Variants in MARF1 observed in about 807,000 individuals in gnomAD.
MARF1 encodes the protein limkain-b1.
MARF1 carries 24 observed loss-of-function variants against 168.2 expected under a neutral mutation model. The ratio of observed to expected loss-of-function variants is 0.14; its 90% CI spans 0.10 to 0.20. The LOEUF (loss-of-function observed/expected upper bound fraction) is 0.20, where lower values mean the gene tolerates loss of function less well. MARF1 is among the 10% of genes least tolerant of loss of function. MARF1 has a pLI of 1.00. For missense variants in MARF1, 1,744 were observed against 2,143.6 expected, an observed-to-expected ratio of 0.81 and a Z score of 3.68; for synonymous variants, 868 against 822.4, an observed-to-expected ratio of 1.06 and a Z score of -0.95.
chr16:15,596,873 C>A lies in MARF1; in HGVS notation c.5049G>T (p.Leu1683=). 6.2e-7 allele frequency: 1 copy of A among 1,613,812 alleles called. No individual in the cohort carries two copies. Among genetic ancestry groups the A allele is most frequent in the Non-Finnish European group, 8.5e-7 (1 of 1,179,802 alleles). ...TGCAGGACGAGCTGGAGTCAGAGGT[C>A]AGAGTTTTGCTCTTTCCTGGTATTG... is the stretch of plus-strand genomic sequence containing the variant. ...EIPIPGKSKT[L]TSDSSSSCIS... The change falls in exon 27 of 27, where the codon CTG becomes CTT. Residue 1683 remains leucine, a synonymous_variant. Coordinates refer to ENST00000396368, the MANE Select transcript of MARF1 (RefSeq NM_014647.4).
intron 23 of MARF1, chr16:15,601,227 C>T (rs2032392186): frequency 2.7e-6 from 1 of 376,968 alleles, no homozygotes; most frequent in Non-Finnish European, 5.2e-6. Context: ...CTGATCTCAG[C>T]TCCCAGGCAA....
intron 3 of MARF1, 86 bp downstream of exon 3, chr16:15,635,570 T>TA (rs1407948310): frequency 8.3e-7 from 1 of 1,211,704 alleles, no homozygotes; most frequent in Non-Finnish European, 1.2e-6. Flanking sequence ...CAACCCCATG[T>TA]ATAATACTTT....
intron 13 of MARF1, 49 bp from the exon 14 acceptor site, chr16:15,617,584 T>C (rs769208591): frequency 7.7e-7 from 1 of 1,291,604 alleles, no homozygotes; most frequent in African/African-American, 1.5e-5. Flanking sequence ...TTTCTTTGAT[T>C]ATACAGAAAC....
At chr16:15,616,052 A>T in intron 15 of MARF1, 47 bp from the exon 16 acceptor site, 1 of 1,401,722 alleles carries the variant, frequency 7.1e-7, no homozygotes, top group Non-Finnish European at 9.4e-7. Flanking sequence ...AAATCAAAAT[A>T]ACAGAAAAGG....
rs1430634637 is a variant in MARF1 at position 15,596,935 on chromosome 16, T to G, written c.4987A>C (p.Ile1663Leu). The stretch of plus-strand genomic sequence containing the variant: ...TTTTCTTCTTGGTTTAAAATCATAA[T>G]TTCTGTAAACACAGAAAAGCAAACA... The part of the protein sequence containing the change: ...FEERPQEPSE[I>L]MILNQEEKME... Residue 1663 changes from isoleucine (I) to leucine (L), a missense_variant and splice_region_variant, in exon 27 of 27, where the codon ATT becomes CTT. Coordinates refer to ENST00000396368, the MANE Select transcript of MARF1 (RefSeq NM_014647.4). The G allele has an allele frequency of 1.2e-6, 2 of 1,600,138 alleles. No homozygotes were observed. The highest frequency in any genetic ancestry group is 1.7e-6 in the Non-Finnish European group (2 of 1,170,224).
intron 23 of MARF1, 38 bp downstream of exon 23, chr16:15,601,953 C>G (rs2032479942): frequency 1.3e-6 from 2 of 1,550,052 alleles, no homozygotes; most frequent in South Asian, 2.2e-5. Flanking sequence ...TGTGGCTGTT[C>G]AGAAGATGCT....
intron 3 of MARF1, 60 bp downstream of exon 3, chr16:15,635,596 T>G (rs761051994): frequency 1.2e-5 from 17 of 1,394,234 alleles, no homozygotes; most frequent in Non-Finnish European, 1.7e-5. Flanking sequence ...ATAAATCCAC[T>G]TCAAAAGTCA....
At chr16:15,617,655 A>C in intron 13 of MARF1, 120 bp from the exon 14 acceptor site, 1 of 695,888 alleles carries the variant, frequency 1.4e-6, no homozygotes, top group Non-Finnish European at 2.5e-6. Flanking sequence ...CTTCAAAGGT[A>C]AAACTGGAAT....
chr16:15,603,283 T>C (rs56742022), intron 22 of MARF1, among the ~76,000 whole-genome samples: 43 of 152,368 alleles, frequency 2.8e-4, no homozygotes, highest in African/African-American at 1.0e-3. Context: ...TTAAATTTAT[T>C]TTGGCTTCGT....
At chr16:15,600,292 C>T in intron 25 of MARF1, 136 bp downstream of exon 25, 2 of 1,183,452 alleles carry the variant, frequency 1.7e-6, no homozygotes, top group African/African-American at 1.5e-5. Flanking sequence ...ACCAAAACTG[C>T]TTTGAAAAAT....
chr16:15,615,762 A>G, intron 16 of MARF1, 68 bp downstream of exon 16: 2 of 1,210,652 alleles, frequency 1.7e-6, no homozygotes, highest in Non-Finnish European at 2.2e-6. Flanking sequence ...TTAAAATAAA[A>G]GCCAATAGCC....
chr16:15,630,366 G>A lies in MARF1; in HGVS notation c.1490C>T (p.Ser497Phe). 6.2e-7 allele frequency: 1 copy of A among 1,607,326 alleles called. No individual in the cohort carries two copies. The highest frequency in any genetic ancestry group is 8.5e-7 in the Non-Finnish European group (1 of 1,176,186). ...NELIRFEEFI[S>F]DLPPRLPLKM... ...TAGTGGTAACCTGGGGGGCAAGTCG[G>A]AAATGAACTCTTCAAATCTGATCAG... Residue 497 changes from serine (S) to phenylalanine (F), a missense_variant, in exon 7 of 27, where the codon TCC becomes TTC. Physicochemically the swap from Ser to Phe is radical, Grantham distance 155. Transcript: ENST00000396368.
chr16:15,612,865 G>A (rs1411573808), intron 16 of MARF1, 88 bp from the exon 17 acceptor site: 2 of 1,096,410 alleles, frequency 1.8e-6, no homozygotes, highest in Non-Finnish European at 1.4e-6. Context: ...CCTGGCTTGA[G>A]TTCGATCATG....
Position 15,624,937 on chromosome 16 carries a change from G to A in MARF1, c.2112-10C>T, listed in dbSNP as rs1456954748. ...ACTGAGGTTCTCCTTTCTAACAGAA[G>A]GGGAAAATTGAAGGCAAAAGGTCAT... On this transcript the variant is annotated splice_polypyrimidine_tract_variant and intron_variant, in intron 9 of 26. Coordinates refer to ENST00000396368, the MANE Select transcript of MARF1 (RefSeq NM_014647.4). 1 of 1,613,854 alleles carries A rather than the reference G, an allele frequency of 6.2e-7. No homozygotes were observed. Among genetic ancestry groups the A allele is most frequent in the Non-Finnish European group, 8.5e-7 (1 of 1,179,900 alleles).
intron 16 of MARF1, among the ~76,000 whole-genome samples, chr16:15,613,499 T>C (rs7191301): frequency 0.038 from 5,735 of 150,440 alleles, 347 homozygotes; most frequent in African/African-American, 0.12. Flanking sequence ...AATACAAAAA[T>C]AAATACAAAA....
In MARF1 at chr16:15,595,711, G is replaced by A. The variant is rs559405610; in HGVS notation, c.*982C>T. ...AAAATTACAATAACAAGGTTAAGTG[G>A]ATCAACCTTGGCCTTCCTATGTGTA... On this transcript the variant is annotated 3_prime_UTR_variant, in exon 27 of 27. Transcript: ENST00000396368. The A allele has an allele frequency of 6.6e-6, 1 of 152,286 alleles. No homozygotes were observed. The highest frequency in any genetic ancestry group is 2.1e-4 in the South Asian group (1 of 4,822). 9.4% of individuals were successfully genotyped at this position (152,286 alleles called of 1,614,324 possible).
chr16:15,640,031 TAC>T (rs1456690706), intron 1 of MARF1, among the ~76,000 whole-genome samples: 1 of 152,244 alleles, frequency 6.6e-6, no homozygotes, highest in Non-Finnish European at 1.5e-5. Context: ...CAATTTTTTC[TAC>T]AGTTTTTCTG....
Position 15,617,394 on chromosome 16 carries a change from G to C in MARF1, c.2862C>G (p.His954Gln). The C allele has an allele frequency of 6.2e-7, 1 of 1,614,110 alleles. No individual in the cohort carries two copies. Among genetic ancestry groups the C allele is most frequent in the Non-Finnish European group, 8.5e-7 (1 of 1,180,026 alleles). ...RQSPLGSSQSHDGSSTNCSPI... is the reference protein window; with the variant it reads ...RQSPLGSSQSQDGSSTNCSPI... ...GGCTGCAATTCGTGGAGGAGCCGTCGTGTGACTGGGAAGACCCCAAGGGGC... is the reference window on the plus strand; with the variant it reads ...GGCTGCAATTCGTGGAGGAGCCGTCCTGTGACTGGGAAGACCCCAAGGGGC... The change falls in exon 14 of 27, where the codon CAC (histidine) becomes CAG (glutamine). Residue 954 changes from histidine (H) to glutamine (Q), a missense_variant. Transcript: ENST00000396368.
intron 21 of MARF1, among the ~76,000 whole-genome samples, chr16:15,605,442 C>T (rs577421120): frequency 5.3e-4 from 80 of 152,206 alleles, no homozygotes; most frequent in Non-Finnish European, 8.5e-4. Context: ...CTGGCAGGGT[C>T]CCACCCTACT....
Sources: allele counts gnomAD v4.1 joint callset (sites outside exome capture counted in the v4.1 genomes callset), GRCh38; gene constraint gnomAD v4.1.1; transcripts MANE v1.5; gene names NCBI Gene and HGNC (gene_info 2026-07-23, HGNC 2026-07-21).